DENND5B: variants seen among roughly 807,000 people sequenced by gnomAD.
DENND5B encodes the protein DENN domain-containing protein 5B.
A neutral mutation model predicts 140.6 loss-of-function variants in DENND5B; 34 were observed. The observed-to-expected ratio is 0.24, with a 90% confidence interval of 0.18 to 0.32. The LOEUF (loss-of-function observed/expected upper bound fraction) is 0.32. Among genes scored for constraint, DENND5B ranks in the 10% least tolerant of loss-of-function variants. The probability of loss-of-function intolerance (pLI) is 1.00; values close to 1 mark genes in which losing one functional copy is unlikely to be tolerated. For missense variants in DENND5B, 1,142 were observed against 1,560.2 expected (o/e 0.73, Z 4.52); for synonymous variants, 551 against 562.1 (o/e 0.98, Z 0.28).
At chr12:31,579,706 G>T (rs1322122272) in intron 1 of DENND5B, among the ~76,000 whole-genome samples, 2 of 121,396 alleles carry the variant, frequency 1.6e-5, no homozygotes, top group South Asian at 3.2e-4. Context: ...GAGAAAGAGA[G>T]AAAGAGTGAG....
At chr12:31,418,283 T>TTTC (rs1299737119) in intron 11 of DENND5B, among the ~76,000 whole-genome samples, 3 of 2,176 alleles carry the variant, frequency 1.4e-3, no homozygotes, top group East Asian at 0.17. Flanking sequence ...TTTTCTTTTC[T>TTTC]TTTTTTTTTT....
chr12:31,505,202 C>T (rs553927872), intron 1 of DENND5B, among the ~76,000 whole-genome samples: 1 of 150,536 alleles, frequency 6.6e-6, no homozygotes, highest in East Asian at 2.0e-4. Flanking sequence ...TGTTTAAATA[C>T]ACGAGTACAG....
At chr12:31,581,653 A>G (rs1052774589) in intron 1 of DENND5B, among the ~76,000 whole-genome samples, 9 of 144,694 alleles carry the variant, frequency 6.2e-5, no homozygotes, top group African/African-American at 2.3e-4. Context: ...AGATCACACC[A>G]TTGCCCTCCA....
At chr12:31,548,047 C>T (rs952642109) in intron 1 of DENND5B, among the ~76,000 whole-genome samples, 4 of 152,044 alleles carry the variant, frequency 2.6e-5, no homozygotes, top group East Asian at 1.9e-4. Flanking sequence ...TCGCTTAAAA[C>T]GTAAGATATT....
At chr12:31,477,056 T>C (rs973145651) in intron 3 of DENND5B, among the ~76,000 whole-genome samples, 3 of 151,988 alleles carry the variant, frequency 2.0e-5, no homozygotes, top group Non-Finnish European at 2.9e-5. Flanking sequence ...GTGAAAACCC[T>C]GTCTCTACTA....
intron 1 of DENND5B, among the ~76,000 whole-genome samples, chr12:31,514,733 C>T (rs993612583): frequency 1.3e-5 from 2 of 151,846 alleles, no homozygotes; most frequent in African/African-American, 4.8e-5. Context: ...AGGAGAATCA[C>T]TTGAATCTGA....
chr12:31,487,232 G>C (rs896648255), intron 2 of DENND5B, among the ~76,000 whole-genome samples: 1 of 152,064 alleles, frequency 6.6e-6, no homozygotes, highest in African/African-American at 2.4e-5. Flanking sequence ...TATAGACTTA[G>C]GTAAAACCTA....
At chr12:31,504,674 T>C (rs1158831456) in intron 1 of DENND5B, among the ~76,000 whole-genome samples, 1 of 152,226 alleles carries the variant, frequency 6.6e-6, no homozygotes, top group African/African-American at 2.4e-5. Flanking sequence ...ATAGCCTGTT[T>C]GTGACCAGAG....
chr12:31,396,324 CATA>C (rs1424580545), intron 17 of DENND5B: 1 of 150,932 alleles, frequency 6.6e-6, no homozygotes. Context: ...CCCACCTCAG[CATA>C]ATGCCTGGCC....
At chr12:31,572,615 G>C (rs947868158) in intron 1 of DENND5B, among the ~76,000 whole-genome samples, 3 of 147,666 alleles carry the variant, frequency 2.0e-5, no homozygotes, top group African/African-American at 7.5e-5. Context: ...CTCTGTCCTT[G>C]TTTCTCTTCC....
At chr12:31,521,830 C>G (rs778098922) in intron 1 of DENND5B, among the ~76,000 whole-genome samples, 1 of 152,176 alleles carries the variant, frequency 6.6e-6, no homozygotes, top group Non-Finnish European at 1.5e-5. Context: ...CCTACCTGGC[C>G]TCCCTATCAA....
chr12:31,580,566 C>T (rs1480682332), intron 1 of DENND5B, among the ~76,000 whole-genome samples: 1 of 152,136 alleles, frequency 6.6e-6, no homozygotes, highest in Non-Finnish European at 1.5e-5. Flanking sequence ...GCAATCTCAG[C>T]TCACTGCAAC....
At chr12:31,554,453 C>T (rs1045633076) in intron 1 of DENND5B, among the ~76,000 whole-genome samples, 5 of 152,178 alleles carry the variant, frequency 3.3e-5, no homozygotes, top group African/African-American at 9.7e-5. Flanking sequence ...TGATGGGCTT[C>T]CCTTTGTGGG....
intron 5 of DENND5B, among the ~76,000 whole-genome samples, chr12:31,450,723 G>C (rs1944474443): frequency 6.6e-6 from 1 of 152,010 alleles, no homozygotes. Flanking sequence ...TAGCCTCTTG[G>C]AATGTATCAG....
chr12:31,441,993 C>G (rs550859597), intron 7 of DENND5B, among the ~76,000 whole-genome samples: 45 of 152,322 alleles, frequency 3.0e-4, no homozygotes, highest in African/African-American at 1.1e-3. Flanking sequence ...ACAATTCTTT[C>G]ACTTTACTGT....
At position 31,591,073 on chromosome 12, in the gene DENND5B, G is replaced by C. The variant is rs1168306524; in HGVS notation, c.-241C>G. On this transcript the variant is annotated 5_prime_UTR_variant, in exon 1 of 21. Coordinates refer to ENST00000389082, the MANE Select transcript of DENND5B (RefSeq NM_144973.4). ...GCCGGGTGGGGGAGGGGCGCGGGGGGAGTGTCGGCCTGAGAGGCCCTCGCA... is the reference window on the plus strand; with the variant it reads ...GCCGGGTGGGGGAGGGGCGCGGGGGCAGTGTCGGCCTGAGAGGCCCTCGCA... 5.5e-6 allele frequency: 1 copy of C among 183,286 alleles called. No homozygotes were observed. The highest frequency in any genetic ancestry group is 2.4e-5 in the African/African-American group (1 of 41,124). 11.4% of individuals were successfully genotyped at this position (183,286 alleles called of 1,614,324 possible).
intron 7 of DENND5B, among the ~76,000 whole-genome samples, chr12:31,437,267 C>T (rs891790465): frequency 3.3e-5 from 5 of 151,968 alleles, no homozygotes; most frequent in Non-Finnish European, 7.4e-5. Context: ...CTCAGCCTCC[C>T]GAGTAGCTGG....
intron 1 of DENND5B, among the ~76,000 whole-genome samples, chr12:31,514,422 T>C (rs1477511989): frequency 6.6e-6 from 1 of 152,180 alleles, no homozygotes; most frequent in African/African-American, 2.4e-5. Flanking sequence ...CATGGGCTAG[T>C]TGAAAGAACA....
intron 3 of DENND5B, among the ~76,000 whole-genome samples, chr12:31,464,083 T>C (rs1351546338): frequency 6.6e-6 from 1 of 152,182 alleles, no homozygotes. Context: ...ACTTAAATAT[T>C]TTAGGAAAGT....
Sources: gnomAD v4.1 joint callset for allele counts (sites outside exome capture counted in the v4.1 genomes callset) on GRCh38, gnomAD v4.1.1 for gene constraint, MANE v1.5 for transcripts, NCBI Gene and HGNC (gene_info 2026-07-23, HGNC 2026-07-21) for gene names.